The following CACNA2D3 variants were observed in gnomAD, a reference collection of about 807,000 sequenced individuals.
CACNA2D3 encodes calcium voltage-gated channel auxiliary subunit alpha2delta 3, also known as voltage-dependent calcium channel subunit alpha-2/delta-3.
Under a neutral mutation model 160.6 loss-of-function variants are expected in CACNA2D3, and 60 were observed. The observed-to-expected ratio is 0.37, with a 90% confidence interval of 0.30 to 0.46. The LOEUF is 0.46. Among genes scored for constraint, CACNA2D3 ranks in the 20% least tolerant of loss-of-function variants. The probability of loss-of-function intolerance (pLI) is 1.00; values close to 1 mark genes in which losing one functional copy is unlikely to be tolerated. For missense variants in CACNA2D3, 1,205 were observed against 1,365.0 expected, an observed-to-expected ratio of 0.88 and a Z score of 1.85; for synonymous variants, 558 against 492.9, an observed-to-expected ratio of 1.13 and a Z score of -1.75.
intron 35 of CACNA2D3, among the ~76,000 whole-genome samples, chr3:55,028,274 G>A (rs775288571): frequency 6.6e-5 from 10 of 152,118 alleles, no homozygotes; most frequent in Admixed American, 2.0e-4. Flanking sequence ...AGTATGTAGT[G>A]TTTTTAAAGG....
chr3:54,873,580 C>T (rs1014759169), intron 18 of CACNA2D3, among the ~76,000 whole-genome samples: 4 of 152,100 alleles, frequency 2.6e-5, no homozygotes, highest in Non-Finnish European at 4.4e-5. Flanking sequence ...TTTGCTTTCT[C>T]GTTGGAGCTG....
intron 27 of CACNA2D3, among the ~76,000 whole-genome samples, chr3:54,944,120 T>A (rs1000245591): frequency 6.6e-6 from 1 of 152,184 alleles, no homozygotes; most frequent in Non-Finnish European, 1.5e-5. Flanking sequence ...CATTTCCATA[T>A]CCTTTGGTAG....
chr3:55,074,197 C>CTCAAGGTGACACTGA lies in CACNA2D3; in HGVS notation c.3268_*6dup. 6.2e-7 allele frequency: 1 copy of CTCAAGGTGACACTGA among 1,612,942 alleles called. No homozygotes were observed. Among genetic ancestry groups the CTCAAGGTGACACTGA allele is most frequent in the South Asian group, 1.1e-5 (1 of 91,070 alleles). ...TGCTCCCTCTGCTTTTGATGCTCTT[C>CTCAAGGTGACACTGA]TCAAGGTGACACTGACTGAGATGTT... On this transcript the variant is annotated stop_gained and inframe_insertion, in exon 38 of 38. Coordinates refer to ENST00000474759, the MANE Select transcript of CACNA2D3 (RefSeq NM_018398.3). LOFTEE classifies it high-confidence loss of function.
At chr3:54,352,800 G>A (rs1465644028) in intron 3 of CACNA2D3, among the ~76,000 whole-genome samples, 1 of 152,244 alleles carries the variant, frequency 6.6e-6, no homozygotes, top group Non-Finnish European at 1.5e-5. Context: ...GGATACAGTT[G>A]TGGTCATAAA....
intron 12 of CACNA2D3, among the ~76,000 whole-genome samples, chr3:54,758,311 T>C (rs1238021030): frequency 6.6e-6 from 1 of 152,182 alleles, no homozygotes; most frequent in Non-Finnish European, 1.5e-5. Context: ...GAAATTAAAA[T>C]GTAGTCATAG....
chr3:54,811,225 G>A (rs568304102), intron 13 of CACNA2D3, among the ~76,000 whole-genome samples: 1 of 152,138 alleles, frequency 6.6e-6, no homozygotes, highest in African/African-American at 2.4e-5. Flanking sequence ...TGAGCTCTTA[G>A]TGTTTTTCCT....
chr3:54,727,599 C>G (rs1701302721), intron 11 of CACNA2D3, among the ~76,000 whole-genome samples: 1 of 152,184 alleles, frequency 6.6e-6, no homozygotes, highest in African/African-American at 2.4e-5. Context: ...GAGTTCATGT[C>G]CTTTGCAGGG....
chr3:54,921,006 A>G lies in CACNA2D3; in HGVS notation c.2449+21138A>G, dbSNP rs1421350354. ...CCAAATGCTCTGTGGTCTCCTGTGCAGGTGATCCTCAGCCGGGATGCAACT... is the reference window on the plus strand; with the variant it reads ...CCAAATGCTCTGTGGTCTCCTGTGCGGGTGATCCTCAGCCGGGATGCAACT... On this transcript the variant is annotated intron_variant, in intron 27 of 37. Coordinates refer to ENST00000474759, the MANE Select transcript of CACNA2D3 (RefSeq NM_018398.3). Among the ~76,000 whole-genome samples, 2 of 152,322 alleles carry G rather than the reference A, an allele frequency of 1.3e-5. 1 individual carries two copies. Among genetic ancestry groups the G allele is most frequent in the Middle Eastern group, 6.8e-3 (2 of 294 alleles).
chr3:54,611,865 A>C (rs1177594145), intron 9 of CACNA2D3, among the ~76,000 whole-genome samples: 1 of 152,242 alleles, frequency 6.6e-6, no homozygotes, highest in Non-Finnish European at 1.5e-5. Flanking sequence ...GTTTTAAATA[A>C]ATGAATTCAG....
intron 19 of CACNA2D3, 21 bp from the exon 20 acceptor site, chr3:54,879,329 T>C: frequency 2.9e-6 from 2 of 695,630 alleles, no homozygotes; most frequent in East Asian, 2.4e-4. Context: ...CTCTACGACT[T>C]TTTTTTTTTT....
intron 2 of CACNA2D3, among the ~76,000 whole-genome samples, chr3:54,290,917 C>T (rs558481165): frequency 3.2e-4 from 48 of 148,220 alleles, no homozygotes; most frequent in African/African-American, 1.1e-3. Flanking sequence ...TGTGGGGTAG[C>T]GGGGGGTGAG....
At chr3:54,820,103 A>G (rs1367624897) in intron 14 of CACNA2D3, among the ~76,000 whole-genome samples, 1 of 152,144 alleles carries the variant, frequency 6.6e-6, no homozygotes, top group African/African-American at 2.4e-5. Flanking sequence ...CCCAGCCACT[A>G]CAGCTTTGGC....
At chr3:55,045,305 C>G (rs1412577739) in intron 35 of CACNA2D3, among the ~76,000 whole-genome samples, 3 of 152,206 alleles carry the variant, frequency 2.0e-5, no homozygotes, top group African/African-American at 7.2e-5. Context: ...CCACCTCGGC[C>G]TCCCAAAGTG....
At chr3:54,925,331 A>G (rs780306657) in intron 27 of CACNA2D3, 1 of 807,302 alleles carries the variant, frequency 1.2e-6, no homozygotes, top group Non-Finnish European at 2.0e-6. Flanking sequence ...AACCTTCTAC[A>G]ACCTGCAAGA....
At chr3:54,687,307 A>AT (rs35541501) in intron 11 of CACNA2D3, among the ~76,000 whole-genome samples, 32,341 of 127,946 alleles carry the variant, frequency 0.25, 4,389 homozygotes, top group African/African-American at 0.28. Context: ...AGCCTGGCTA[A>AT]TTTTTTTTTT....
At chr3:54,749,818 A>G (rs1701825211) in intron 11 of CACNA2D3, among the ~76,000 whole-genome samples, 1 of 152,208 alleles carries the variant, frequency 6.6e-6, no homozygotes, top group Non-Finnish European at 1.5e-5. Flanking sequence ...AATATTGAAC[A>G]TTATTCTGAT....
At chr3:54,478,207 A>G (rs1458548819) in intron 4 of CACNA2D3, among the ~76,000 whole-genome samples, 2 of 152,188 alleles carry the variant, frequency 1.3e-5, no homozygotes, top group Non-Finnish European at 2.9e-5. Context: ...ATAACAGCAT[A>G]ATAAAAAATT....
chr3:54,334,847 C>T (rs1468286187), intron 3 of CACNA2D3, among the ~76,000 whole-genome samples: 1 of 152,204 alleles, frequency 6.6e-6, no homozygotes, highest in Admixed American at 6.5e-5. Context: ...ATAGCAGAAG[C>T]AGGCTCTGGT....
intron 27 of CACNA2D3, chr3:54,901,205 G>A (rs1255999398): frequency 1.3e-5 from 2 of 152,192 alleles, no homozygotes; most frequent in African/African-American, 4.8e-5. Flanking sequence ...GTTGTCTCCC[G>A]GGAGCTGAGG....
Sources: gnomAD v4.1 joint callset for allele counts (sites outside exome capture counted in the v4.1 genomes callset) on GRCh38, gnomAD v4.1.1 for gene constraint, MANE v1.5 for transcripts, NCBI Gene and HGNC (gene_info 2026-07-23, HGNC 2026-07-21) for gene names.